The following COL4A1 variants were observed in gnomAD, a reference collection of about 807,000 sequenced individuals.
COL4A1 encodes collagen type IV alpha 1 chain.
A neutral mutation model predicts 216.6 loss-of-function variants in COL4A1; 40 were observed. The ratio of observed to expected loss-of-function variants is 0.18; its 90% CI spans 0.14 to 0.24. COL4A1 has a LOEUF of 0.24. Among genes scored for constraint, COL4A1 ranks in the 10% least tolerant of loss-of-function variants. The probability of loss-of-function intolerance (pLI) is 1.00; values close to 1 mark genes in which losing one functional copy is unlikely to be tolerated. For missense variants in COL4A1, 1,628 were observed against 2,196.8 expected, an observed-to-expected ratio of 0.74 and a Z score of 5.18; for synonymous variants, 839 against 810.7, an observed-to-expected ratio of 1.03 and a Z score of -0.59.
Position 110,162,287 on chromosome 13 carries a change from G to A in COL4A1, c.4405C>T (p.His1469Tyr), listed in dbSNP as rs1197915580. 6.2e-7 allele frequency: 1 copy of A among 1,614,232 alleles called. No individual in the cohort carries two copies. Among genetic ancestry groups the A allele is most frequent in the South Asian group, 1.1e-5 (1 of 91,084 alleles). ...TGCACGTAGAGCAAAGAGTACCCGTGGTAAAGAATTTTGGTCCCAGAAGGA... is the reference window on the plus strand; with the variant it reads ...TGCACGTAGAGCAAAGAGTACCCGTAGTAAAGAATTTTGGTCCCAGAAGGA... ...QCPSGTKILY[H>Y]GYSLLYVQGN... is the part of the protein sequence containing the mutation. Residue 1469 changes from histidine (H) to tyrosine (Y), a missense_variant, in exon 48 of 52, where the codon CAC (histidine) becomes TAC (tyrosine). This residue lies in a region of COL4A1 where 254 missense variants were observed against 300.1 expected (regional missense o/e 0.85). Coordinates refer to ENST00000375820, the MANE Select transcript of COL4A1 (RefSeq NM_001845.6).
At chr13:110,301,557 C>G (rs1884493644) in intron 1 of COL4A1, among the ~76,000 whole-genome samples, 1 of 152,182 alleles carries the variant, frequency 6.6e-6, no homozygotes, top group African/African-American at 2.4e-5. Flanking sequence ...AATGGCAGAG[C>G]AAGAATTGCA....
At chr13:110,191,434 G>A in intron 24 of COL4A1, 1 of 403,098 alleles carries the variant, frequency 2.5e-6, no homozygotes, top group Non-Finnish European at 4.4e-6. Flanking sequence ...GAAAATACGA[G>A]AGGAACAATG....
intron 26 of COL4A1, among the ~76,000 whole-genome samples, chr13:110,185,468 T>C (rs1473711372): frequency 6.6e-6 from 1 of 152,196 alleles, no homozygotes; most frequent in Non-Finnish European, 1.5e-5. Flanking sequence ...AATAACTATG[T>C]TTTTTAAGGT....
chr13:110,173,509 A>G (rs1218650877), intron 40 of COL4A1, among the ~76,000 whole-genome samples: 1 of 152,094 alleles, frequency 6.6e-6, no homozygotes, highest in Non-Finnish European at 1.5e-5. Context: ...GCCAACCAAT[A>G]TTTCCAACCA....
chr13:110,198,641 G>C lies in COL4A1; in HGVS notation c.1121-10C>G. The stretch of plus-strand genomic sequence containing the variant: ...CCAGGTACAGGGAGGCCTGCAACCA[G>C]ACAGAAGCTCACATCAGTAACCTCA... On this transcript the variant is annotated splice_polypyrimidine_tract_variant and intron_variant, in intron 20 of 51. Coordinates refer to ENST00000375820, the MANE Select transcript of COL4A1 (RefSeq NM_001845.6). 6 of 1,613,916 alleles carry C rather than the reference G, an allele frequency of 3.7e-6. No homozygotes were observed. The highest frequency in any genetic ancestry group is 1.3e-5 in the African/African-American group (1 of 75,034).
At chr13:110,293,372 T>A (rs1413883472) in intron 1 of COL4A1, among the ~76,000 whole-genome samples, 1 of 152,240 alleles carries the variant, frequency 6.6e-6, no homozygotes, top group Admixed American at 6.5e-5. Flanking sequence ...AGGCTATGAA[T>A]GATAAGAAAC....
Position 110,169,537 on chromosome 13 carries a change from TACACAAA to T in COL4A1, c.3876+85_3876+91del, listed in dbSNP as rs1336732301. ...ACACACACACACACATATATATACA[TACACAAA>T]ATACATACACACATAGACACATATG... On this transcript the variant is annotated intron_variant, in intron 43 of 51. Transcript: ENST00000375820. 3.4e-5 allele frequency: 52 copies of T among 1,549,040 alleles called. No homozygotes were observed. The South Asian group carries it at 4.5e-4, about 14-fold the overall frequency.
chr13:110,207,745 T>C lies in COL4A1; in HGVS notation c.694-256A>G, dbSNP rs1879581421. On this transcript the variant is annotated intron_variant, in intron 12 of 51. Coordinates refer to ENST00000375820, the MANE Select transcript of COL4A1 (RefSeq NM_001845.6). This position sits in a 1 kb window ranked among gnomAD's most constrained non-coding sequence, Gnocchi z 4.4. ...CTAGCTCAGGAATAACCATGGAATC[T>C]GAACACCTGCAAGACACCTCCGGAC... Among the ~76,000 whole-genome samples the C allele has an allele frequency of 6.6e-6, 1 of 152,194 alleles. No homozygotes were observed. The highest frequency in any genetic ancestry group is 2.1e-4 in the South Asian group (1 of 4,830).
chr13:110,264,370 G>T (rs910943688), intron 1 of COL4A1, among the ~76,000 whole-genome samples: 1 of 152,026 alleles, frequency 6.6e-6, no homozygotes, highest in Non-Finnish European at 1.5e-5. Flanking sequence ...CTGGCTGCAG[G>T]TTCCCTCTTA....
At chr13:110,244,191 C>T (rs757111861) in intron 1 of COL4A1, among the ~76,000 whole-genome samples, 2 of 152,188 alleles carry the variant, frequency 1.3e-5, no homozygotes, top group Non-Finnish European at 2.9e-5. Context: ...ATTCCAGCCT[C>T]AGCTGCATTG....
rs141183903 is a variant in COL4A1, at chr13:110,174,691, C to A, written c.3257G>T (p.Ser1086Ile). Residue 1086 changes from serine (S) to isoleucine (I), a missense_variant, in exon 38 of 52, where the codon AGC (serine) becomes ATC (isoleucine). Around this residue, in one of 8 missense-constraint regions of COL4A1, gnomAD observed 345 missense variants for 476.9 expected, o/e 0.72. Coordinates refer to ENST00000375820, the MANE Select transcript of COL4A1 (RefSeq NM_001845.6). ...GSPGEKGEKG[S>I]IGIPGMPGSP... ...CCCTGGCATTCCTGGGATCCCAATG[C>A]TTCCTTTTTCTCCCTTCTCTCCAGG... is the stretch of plus-strand genomic sequence containing the variant. The A allele has an allele frequency of 6.2e-7, 1 of 1,613,922 alleles. No individual in the cohort carries two copies. The highest frequency in any genetic ancestry group is 1.3e-5 in the African/African-American group (1 of 75,048).
chr13:110,230,864 C>T (rs925851336), intron 2 of COL4A1, among the ~76,000 whole-genome samples: 3 of 152,200 alleles, frequency 2.0e-5, no homozygotes, highest in Non-Finnish European at 4.4e-5. Flanking sequence ...CCTCTGCTCC[C>T]AGGGCTCCTG....
intron 1 of COL4A1, among the ~76,000 whole-genome samples, chr13:110,269,505 T>C (rs979834313): frequency 3.3e-5 from 5 of 152,270 alleles, no homozygotes; most frequent in Middle Eastern, 3.4e-3. Flanking sequence ...TTTACATTTA[T>C]CTTATGTATT....
intron 2 of COL4A1, among the ~76,000 whole-genome samples, chr13:110,214,805 A>T (rs1039553656): frequency 2.0e-5 from 3 of 152,180 alleles, no homozygotes; most frequent in African/African-American, 7.2e-5. Flanking sequence ...CTCAGCCTCT[A>T]TAATCCTATG....
In COL4A1 at chr13:110,225,297, G is replaced by A. The variant is rs890277270; in HGVS notation, c.145-11282C>T. Among the ~76,000 whole-genome samples the A allele has an allele frequency of 4.6e-5, 7 of 152,198 alleles. 1 individual carries two copies. Among genetic ancestry groups the A allele is most frequent in the African/African-American group, 7.2e-5 (3 of 41,528 alleles). ...GTAGGTACTCAATTAATATTTTCAC[G>A]ACTGGGCCGGGTGCAGTGGCTCACG... is the stretch of plus-strand genomic sequence containing the variant. On this transcript the variant is annotated intron_variant, in intron 2 of 51. Coordinates refer to ENST00000375820, the MANE Select transcript of COL4A1 (RefSeq NM_001845.6).
In COL4A1 at chr13:110,253,341, TATACATATAATTATATGTATTAC is replaced by T. The variant is rs1229581430; in HGVS notation, c.85-10630_85-10608del. ...TATACATATAATTATATGTATTACA[TATACATATAATTATATGTATTAC>T]ATATACATATAATTATATGTATTAC... On this transcript the variant is annotated intron_variant, in intron 1 of 51. Transcript: ENST00000375820. Among the ~76,000 whole-genome samples the T allele has an allele frequency of 6.7e-4, 39 of 58,504 alleles. 1 individual carries two copies. Among genetic ancestry groups the T allele is most frequent in the Non-Finnish European group, 1.0e-3 (33 of 32,478 alleles). 38.4% of individuals were successfully genotyped at this position (58,504 alleles called of 152,430 possible).
intron 48 of COL4A1, chr13:110,162,027 A>T: frequency 3.0e-6 from 2 of 657,838 alleles, no homozygotes. Context: ...GCCATTAGTA[A>T]TACAGCAGCT....
rs142581722 is a variant in COL4A1, at chr13:110,293,331, G to A, written c.84+13613C>T. Among the ~76,000 whole-genome samples the A allele has an allele frequency of 3.2e-3, 484 of 152,318 alleles. 1 individual carries two copies. Among genetic ancestry groups the A allele is most frequent in the Middle Eastern group, 6.8e-3 (2 of 294 alleles). The stretch of plus-strand genomic sequence containing the variant: ...CCCAGGGAAGAGTCAGTAAAATGTT[G>A]TAGAGGTAGCGGCTGCTGCGTCTAC... On this transcript the variant is annotated intron_variant, in intron 1 of 51. Coordinates refer to ENST00000375820, the MANE Select transcript of COL4A1 (RefSeq NM_001845.6).
chr13:110,238,718 G>C (rs1881432179), intron 2 of COL4A1, among the ~76,000 whole-genome samples: 1 of 152,128 alleles, frequency 6.6e-6, no homozygotes, highest in Admixed American at 6.5e-5. Context: ...ACAGACTATG[G>C]TGATAGTGTT....
Sources: allele counts gnomAD v4.1 joint callset (sites outside exome capture counted in the v4.1 genomes callset), GRCh38; gene constraint gnomAD v4.1.1; regional missense constraint gnomAD v4.1.1; non-coding constraint Gnocchi (gnomAD v3.1); transcripts MANE v1.5; gene names NCBI Gene and HGNC (gene_info 2026-07-23, HGNC 2026-07-21).